The following DGLUCY variants were observed in gnomAD, a reference collection of about 807,000 sequenced individuals.
DGLUCY encodes D-glutamate cyclase, mitochondrial.
Under a neutral mutation model 58.5 loss-of-function variants are expected in DGLUCY, and 58 were observed. That is an observed-to-expected ratio of 0.99 (90% CI 0.80 to 1.23). The LOEUF (loss-of-function observed/expected upper bound fraction) is 1.23. Ranked by LOEUF, DGLUCY falls within the 50% of genes most tolerant of loss-of-function variation. The pLI is 0.00. For missense variants in DGLUCY, 779 were observed against 784.7 expected (o/e 0.99, Z 0.09); for synonymous variants, 325 against 314.1 (o/e 1.03, Z -0.37).
intron 9 of DGLUCY, among the ~76,000 whole-genome samples, chr14:91,195,022 TG>T (rs1038183691): frequency 1.3e-5 from 2 of 152,148 alleles, no homozygotes; most frequent in Non-Finnish European, 2.9e-5. Context: ...AGTTTTAACA[TG>T]GGTACGGTGC....
At chr14:91,141,011 A>C (rs563437093) in intron 1 of DGLUCY, among the ~76,000 whole-genome samples, 4 of 152,284 alleles carry the variant, frequency 2.6e-5, no homozygotes, top group African/African-American at 7.2e-5. Flanking sequence ...ATAGTTCTTA[A>C]GGCTGGTCAT....
intron 1 of DGLUCY, among the ~76,000 whole-genome samples, chr14:91,135,197 A>T (rs903803284): frequency 6.6e-6 from 1 of 152,162 alleles, no homozygotes; most frequent in Non-Finnish European, 1.5e-5. Context: ...AAGTGCTGGG[A>T]TTACAGGCAT....
chr14:91,159,364 T>C (rs2047850766), intron 2 of DGLUCY, among the ~76,000 whole-genome samples: 1 of 152,192 alleles, frequency 6.6e-6, no homozygotes, highest in South Asian at 2.1e-4. Context: ...TGAGAATCTC[T>C]TGAAGCCAGG....
chr14:91,133,225 G>A (rs1213632151), intron 1 of DGLUCY, among the ~76,000 whole-genome samples: 1 of 152,000 alleles, frequency 6.6e-6, no homozygotes, highest in Non-Finnish European at 1.5e-5. Flanking sequence ...AACCCGGGAG[G>A]TGGAGGTTGC....
upstream of DGLUCY, among the ~76,000 whole-genome samples, chr14:91,111,928 T>C (rs2140099954): frequency 6.6e-6 from 1 of 152,336 alleles, no homozygotes; most frequent in South Asian, 2.1e-4. Context: ...TTTCCACCTT[T>C]TGGCTCTTGT....
rs1318556281 is a variant in DGLUCY, at chr14:91,164,685, GTC to G, written c.104-2526_104-2525del. 4.6e-5 allele frequency among the ~76,000 whole-genome samples: 7 copies of G among 151,216 alleles called. No homozygotes were observed. The South Asian group carries it at 1.0e-3, about 22-fold the overall frequency. ...CTCTTCCCTTACTTTCTCCCAAAGAGTCTCTCTCTCTCTCTGTCTCTGTTTGG... is the reference window on the plus strand; with the variant it reads ...CTCTTCCCTTACTTTCTCCCAAAGAGTCTCTCTCTCTCTGTCTCTGTTTGG... On this transcript the variant is annotated intron_variant, in intron 3 of 13. Transcript: ENST00000256324.
At chr14:91,075,919 C>G (rs2044012416) in intron 1 of DGLUCY, among the ~76,000 whole-genome samples, 1 of 152,144 alleles carries the variant, frequency 6.6e-6, no homozygotes, top group South Asian at 2.1e-4. Context: ...TCGAGACCAG[C>G]CAGGCCAACA....
At chr14:91,101,989 G>A (rs2044494496) in intron 1 of DGLUCY, among the ~76,000 whole-genome samples, 1 of 152,102 alleles carries the variant, frequency 6.6e-6, no homozygotes, top group African/African-American at 2.4e-5. Context: ...CACTATGCCT[G>A]GCCTTAGTGT....
intron 1 of DGLUCY, among the ~76,000 whole-genome samples, chr14:91,124,837 A>G (rs770307062): frequency 2.0e-5 from 3 of 152,238 alleles, no homozygotes; most frequent in Non-Finnish European, 4.4e-5. Flanking sequence ...AATATCTGCT[A>G]TCCATAATAA....
At chr14:91,224,163 G>A (rs776173174) in intron 13 of DGLUCY, among the ~76,000 whole-genome samples, 9 of 152,210 alleles carry the variant, frequency 5.9e-5, no homozygotes, top group East Asian at 5.8e-4. Context: ...TCCAGGGCTG[G>A]GAGGAACTTA....
intron 13 of DGLUCY, among the ~76,000 whole-genome samples, chr14:91,217,969 T>C (rs865836345): frequency 7.9e-5 from 12 of 152,208 alleles, no homozygotes; most frequent in African/African-American, 1.9e-4. Context: ...CCTGGGGCTC[T>C]GAGAAGCCGA....
chr14:91,095,999 A>G (rs964685288), intron 1 of DGLUCY, among the ~76,000 whole-genome samples: 3 of 152,034 alleles, frequency 2.0e-5, no homozygotes, highest in Non-Finnish European at 4.4e-5. Flanking sequence ...CAAGAATTTC[A>G]CTCATGGCCT....
chr14:91,077,595 T>TA (rs202097584), intron 1 of DGLUCY, among the ~76,000 whole-genome samples: 2,157 of 151,578 alleles, frequency 0.014, 44 homozygotes, highest in African/African-American at 0.05. Context: ...CTATTAAAAA[T>TA]ACAAAAATTA....
At chr14:91,193,311 C>A (rs2050016176) in intron 9 of DGLUCY, among the ~76,000 whole-genome samples, 1 of 152,132 alleles carries the variant, frequency 6.6e-6, no homozygotes, top group South Asian at 2.1e-4. Flanking sequence ...TCAGCTGCCC[C>A]CTTCCCAGAA....
intron 9 of DGLUCY, among the ~76,000 whole-genome samples, chr14:91,193,718 T>G (rs530638721): frequency 2.0e-5 from 3 of 152,154 alleles, no homozygotes; most frequent in African/African-American, 7.2e-5. Context: ...GGCACGCGCC[T>G]GTAGTCCTAG....
chr14:91,108,487 T>TTGTGCGTG (rs2044629599), intron 1 of DGLUCY, among the ~76,000 whole-genome samples: 1 of 74,938 alleles, frequency 1.3e-5, no homozygotes, highest in African/African-American at 5.7e-5. Context: ...CTTGAAGAAT[T>TTGTGCGTG]TGTGTGTGTG....
chr14:91,084,379 A>G (rs1398822943), intron 1 of DGLUCY, among the ~76,000 whole-genome samples: 1 of 151,700 alleles, frequency 6.6e-6, no homozygotes, highest in Non-Finnish European at 1.5e-5. Context: ...AATTTTTTAT[A>G]TTTTTGGTAG....
chr14:91,159,224 A>C (rs1218781349), intron 2 of DGLUCY, among the ~76,000 whole-genome samples: 1 of 151,898 alleles, frequency 6.6e-6, no homozygotes, highest in Non-Finnish European at 1.5e-5. Flanking sequence ...AGGTGGGCTG[A>C]TCACTTGAGG....
chr14:91,083,253 G>C (rs1398672085), intron 1 of DGLUCY, among the ~76,000 whole-genome samples: 1 of 152,172 alleles, frequency 6.6e-6, no homozygotes, highest in African/African-American at 2.4e-5. Context: ...CGGGCGCAGT[G>C]GCTCACGTCT....
Sources: gnomAD v4.1 joint callset for allele counts (sites outside exome capture counted in the v4.1 genomes callset) on GRCh38, gnomAD v4.1.1 for gene constraint, MANE v1.5 for transcripts, NCBI Gene and HGNC (gene_info 2026-07-23, HGNC 2026-07-21) for gene names.